Variants in NRXN1 observed in about 807,000 individuals in gnomAD.
NRXN1 encodes neurexin-1.
NRXN1 carries 39 observed loss-of-function variants against 150.9 expected under a neutral mutation model. The observed-to-expected ratio is 0.26, with a 90% CI of 0.20 to 0.34. The LOEUF is 0.34. NRXN1 is among the 10% of genes least tolerant of loss of function. The pLI is 1.00. For missense variants in NRXN1, 1,815 were observed against 1,949.9 expected, an observed-to-expected ratio of 0.93 and a Z score of 1.30; for synonymous variants, 924 against 757.0, an observed-to-expected ratio of 1.22 and a Z score of -3.62.
intron 18 of NRXN1, among the ~76,000 whole-genome samples, chr2:50,208,690 G>T (rs946246527): frequency 3.9e-5 from 6 of 152,140 alleles, no homozygotes; most frequent in African/African-American, 9.6e-5. Flanking sequence ...ACTGTCCTCA[G>T]TTTGGGGTCT....
chr2:50,899,510 C>A (rs927603893), intron 5 of NRXN1, among the ~76,000 whole-genome samples: 3 of 152,044 alleles, frequency 2.0e-5, no homozygotes, highest in Non-Finnish European at 4.4e-5. Context: ...CTGCTTCCCC[C>A]AGGTTTATAT....
At chr2:50,285,676 T>C (rs1461187380) in intron 17 of NRXN1, among the ~76,000 whole-genome samples, 1 of 152,198 alleles carries the variant, frequency 6.6e-6, no homozygotes, top group Non-Finnish European at 1.5e-5. Flanking sequence ...ATGAGAAGTA[T>C]ATATTTTTTA....
At chr2:50,203,258 C>T (rs1263350243) in intron 18 of NRXN1, among the ~76,000 whole-genome samples, 2 of 152,160 alleles carry the variant, frequency 1.3e-5, no homozygotes, top group Non-Finnish European at 2.9e-5. Context: ...ACAAAGCTAA[C>T]AACAGCAAGG....
At chr2:50,542,052 C>T (rs956257280) in intron 9 of NRXN1, among the ~76,000 whole-genome samples, 3 of 152,092 alleles carry the variant, frequency 2.0e-5, no homozygotes, top group Non-Finnish European at 2.9e-5. Flanking sequence ...GAGACCAAGG[C>T]GGGTGGATCA....
chr2:51,008,754 A>G (rs1411661385), intron 2 of NRXN1, among the ~76,000 whole-genome samples: 2 of 151,684 alleles, frequency 1.3e-5, no homozygotes, highest in African/African-American at 4.8e-5. Context: ...TTTATAATTT[A>G]CAAATTAATA....
chr2:50,920,251 T>G (rs1282769874), intron 5 of NRXN1, among the ~76,000 whole-genome samples: 1 of 151,670 alleles, frequency 6.6e-6, no homozygotes. Flanking sequence ...CTGGTGAAGT[T>G]AAAAAATAAT....
At chr2:50,024,505 A>G (rs1687995198) in intron 21 of NRXN1, among the ~76,000 whole-genome samples, 1 of 152,206 alleles carries the variant, frequency 6.6e-6, no homozygotes, top group Admixed American at 6.5e-5. Flanking sequence ...AAAGGGGGGA[A>G]GATTGGGCTT....
At chr2:50,737,620 A>T (rs1490540618) in intron 5 of NRXN1, among the ~76,000 whole-genome samples, 1 of 152,024 alleles carries the variant, frequency 6.6e-6, no homozygotes, top group Non-Finnish European at 1.5e-5. Flanking sequence ...GAGGTCATGA[A>T]TTTTTTTTAA....
chr2:50,436,774 G>A (rs527499729), intron 17 of NRXN1, among the ~76,000 whole-genome samples: 1 of 152,206 alleles, frequency 6.6e-6, no homozygotes, highest in East Asian at 1.9e-4. Flanking sequence ...GTGCTGAATA[G>A]CATATATTTC....
At chr2:50,903,369 A>C (rs1262799097) in intron 5 of NRXN1, among the ~76,000 whole-genome samples, 4 of 152,184 alleles carry the variant, frequency 2.6e-5, no homozygotes, top group African/African-American at 9.7e-5. Flanking sequence ...AACTATAGGA[A>C]GACATTAACA....
At chr2:50,320,509 G>A (rs547085766) in intron 17 of NRXN1, among the ~76,000 whole-genome samples, 2 of 151,682 alleles carry the variant, frequency 1.3e-5, no homozygotes, top group East Asian at 3.9e-4. Context: ...AGTGCCAAAC[G>A]ATTTGGCAAT....
chr2:50,948,098 G>A (rs1175366476), intron 2 of NRXN1, among the ~76,000 whole-genome samples: 3 of 151,600 alleles, frequency 2.0e-5, no homozygotes, highest in African/African-American at 7.3e-5. Flanking sequence ...TCCTTACAAC[G>A]CATATGGCAC....
chr2:49,962,770 C>A (rs771110338), intron 21 of NRXN1, among the ~76,000 whole-genome samples: 1 of 151,930 alleles, frequency 6.6e-6, no homozygotes, highest in Non-Finnish European at 1.5e-5. Flanking sequence ...CTGGCTAACA[C>A]GGTGAAACCT....
At chr2:49,964,339 G>A (rs1382873945) in intron 21 of NRXN1, among the ~76,000 whole-genome samples, 1 of 152,080 alleles carries the variant, frequency 6.6e-6, no homozygotes, top group Non-Finnish European at 1.5e-5. Flanking sequence ...CAGCACTTTG[G>A]GAGGCTGAGG....
At chr2:50,352,806 A>AATAATAATAATAATAATG (rs1180178835) in intron 17 of NRXN1, among the ~76,000 whole-genome samples, 17 of 149,248 alleles carry the variant, frequency 1.1e-4, no homozygotes, top group African/African-American at 4.2e-4. Flanking sequence ...TAATAATAAT[A>AATAATAATAATAATAATG]ATGCCAGGCT....
At chr2:49,936,817 TACACAC>T (rs58323578) in intron 22 of NRXN1, among the ~76,000 whole-genome samples, 31 of 148,594 alleles carry the variant, frequency 2.1e-4, no homozygotes, top group East Asian at 1.6e-3. Context: ...AAAACATATG[TACACAC>T]ACACACACAC....
intron 2 of NRXN1, among the ~76,000 whole-genome samples, chr2:50,969,702 A>G (rs1023306989): frequency 6.6e-6 from 1 of 152,222 alleles, no homozygotes; most frequent in East Asian, 1.9e-4. Flanking sequence ...TCTTTAATCT[A>G]TTAATTCTAT....
At chr2:50,506,456 C>T (rs200588982) in intron 13 of NRXN1, 39 bp downstream of exon 13, 20 of 1,579,678 alleles carry the variant, frequency 1.3e-5, no homozygotes, top group South Asian at 5.8e-5. Flanking sequence ...GAGTCAAAAG[C>T]GTTAGCATAG....
intron 17 of NRXN1, among the ~76,000 whole-genome samples, chr2:50,449,780 G>A (rs1047796324): frequency 2.0e-5 from 3 of 152,140 alleles, no homozygotes; most frequent in African/African-American, 4.8e-5. Flanking sequence ...CTCCTTGAAA[G>A]CAAAGGCAAA....
Sources: gnomAD v4.1 joint callset for allele counts (sites outside exome capture counted in the v4.1 genomes callset) on GRCh38, gnomAD v4.1.1 for gene constraint, MANE v1.5 for transcripts, NCBI Gene and HGNC (gene_info 2026-07-23, HGNC 2026-07-21) for gene names.